FGD3: variants seen among roughly 807,000 people sequenced by gnomAD.
FGD3 encodes FYVE, RhoGEF and PH domain containing 3, also known as FYVE, RhoGEF and PH domain-containing protein 3.
In FGD3, 45 loss-of-function variants were observed where a neutral mutation model predicts 71.8. The ratio of observed to expected loss-of-function variants is 0.63; its 90% confidence interval spans 0.49 to 0.80. FGD3 has a LOEUF of 0.80. Ranked by LOEUF, FGD3 falls within the 30% of genes least tolerant of loss-of-function variation. The pLI is 0.00. For synonymous variants in FGD3, 378 were observed against 392.8 expected, an observed-to-expected ratio of 0.96 and a Z score of 0.44; for missense variants, 844 against 951.5, an observed-to-expected ratio of 0.89 and a Z score of 1.49.
At chr9:92,982,646 C>A (rs570837064) in intron 3 of FGD3, among the ~76,000 whole-genome samples, 1 of 150,882 alleles carries the variant, frequency 6.6e-6, no homozygotes. Flanking sequence ...TCATGCAGTT[C>A]GCTCCTGTTC....
At chr9:92,977,375 T>G (rs1338668146) in intron 3 of FGD3, among the ~76,000 whole-genome samples, 1 of 152,102 alleles carries the variant, frequency 6.6e-6, no homozygotes, top group Non-Finnish European at 1.5e-5. Context: ...GGCCTCAGCC[T>G]CAGAGAAACT....
In FGD3 at chr9:93,025,410, A is replaced by G. The variant is rs550263501; in HGVS notation, c.1557+3021A>G. 2.7e-4 allele frequency among the ~76,000 whole-genome samples: 41 copies of G among 152,324 alleles called. 1 individual carries two copies. In the South Asian group the frequency reaches 8.5e-3, roughly 32 times the overall value. The stretch of plus-strand genomic sequence containing the variant: ...CTCACTGGTGTCTTCCTGTGAGCAA[A>G]AACAGCAGAGTTGAGACTAGGGTAG... On this transcript the variant is annotated intron_variant, in intron 14 of 17. Coordinates refer to ENST00000375482, the MANE Select transcript of FGD3 (RefSeq NM_001083536.2).
At chr9:92,958,778 C>A (rs79595842) in intron 1 of FGD3, among the ~76,000 whole-genome samples, 12 of 152,056 alleles carry the variant, frequency 7.9e-5, no homozygotes, top group Non-Finnish European at 1.5e-4. Context: ...TATTTTGGTA[C>A]GGCTATCTAA....
At chr9:92,992,681 G>A (rs1231056600) in intron 3 of FGD3, among the ~76,000 whole-genome samples, 2 of 152,180 alleles carry the variant, frequency 1.3e-5, no homozygotes, top group East Asian at 3.8e-4. Context: ...GGAGCCCAGT[G>A]CTAGAGAGGT....
chr9:93,004,699 G>T (rs1365908784), intron 5 of FGD3, among the ~76,000 whole-genome samples: 6 of 152,098 alleles, frequency 3.9e-5, no homozygotes, highest in Non-Finnish European at 8.8e-5. Flanking sequence ...CATTCTGGGT[G>T]CCGCTGCTGT....
At chr9:92,991,833 A>C (rs1457048179) in intron 3 of FGD3, among the ~76,000 whole-genome samples, 2 of 152,114 alleles carry the variant, frequency 1.3e-5, no homozygotes, top group African/African-American at 4.8e-5. Context: ...TAGGTGCTCT[A>C]GTATTTGGTG....
intron 1 of FGD3, among the ~76,000 whole-genome samples, chr9:92,961,383 GTGGTCCCCAGGAGCCCTCCA>G (rs1160049137): frequency 1.3e-5 from 2 of 152,198 alleles, no homozygotes; most frequent in African/African-American, 4.8e-5. Context: ...GATTGTCACT[GTGGTCCCCAGGAGCCCTCCA>G]TGGTCACCAG....
chr9:92,948,679 C>T (rs929673748), intron 1 of FGD3, among the ~76,000 whole-genome samples: 1 of 152,194 alleles, frequency 6.6e-6, no homozygotes, highest in African/African-American at 2.4e-5. Context: ...AACTCCAGCC[C>T]CAGTGAGGTT....
chr9:93,017,553 T>C (rs1305387478), intron 10 of FGD3, among the ~76,000 whole-genome samples: 3 of 152,126 alleles, frequency 2.0e-5, no homozygotes, highest in African/African-American at 4.8e-5. Flanking sequence ...CCATGGTCTC[T>C]GTGGTCTTAT....
At chr9:92,972,928 T>C (rs182033216) in intron 1 of FGD3, among the ~76,000 whole-genome samples, 23 of 152,258 alleles carry the variant, frequency 1.5e-4, no homozygotes, top group African/African-American at 5.5e-4. Flanking sequence ...TCTGGAAGTT[T>C]AATGTGGGCC....
chr9:93,001,287 C>A (rs547529141), intron 3 of FGD3, among the ~76,000 whole-genome samples: 1 of 152,178 alleles, frequency 6.6e-6, no homozygotes, highest in African/African-American at 2.4e-5. Flanking sequence ...GCTCATAGAT[C>A]TGTGTTTCCT....
intron 1 of FGD3, among the ~76,000 whole-genome samples, chr9:92,967,403 C>T (rs1396401935): frequency 2.6e-5 from 4 of 152,228 alleles, no homozygotes; most frequent in Non-Finnish European, 5.9e-5. Flanking sequence ...TCCATTCCCT[C>T]CCCTGGCCCT....
intron 14 of FGD3, among the ~76,000 whole-genome samples, chr9:93,023,768 C>T (rs1203454349): frequency 6.7e-6 from 1 of 148,800 alleles, no homozygotes; most frequent in African/African-American, 2.5e-5. Flanking sequence ...AAAAATGTCT[C>T]AATGACAGGA....
intron 14 of FGD3, 82 bp from the exon 15 acceptor site, chr9:93,029,792 C>T (rs946167357): frequency 1.6e-5 from 24 of 1,535,340 alleles, no homozygotes; most frequent in African/African-American, 1.1e-4. Context: ...TTTACAGTCA[C>T]GAGAGCTGCC....
intron 14 of FGD3, among the ~76,000 whole-genome samples, chr9:93,026,728 C>G (rs10992585): frequency 0.16 from 24,613 of 152,258 alleles, 2,096 homozygotes; most frequent in Non-Finnish European, 0.18. Context: ...GCTGTGCACC[C>G]AGCCCCGCAG....
chr9:92,966,960 CT>C (rs541720789), intron 1 of FGD3, among the ~76,000 whole-genome samples: 4,227 of 142,334 alleles, frequency 0.03, 188 homozygotes, highest in African/African-American at 0.096. Flanking sequence ...CATCTTTTTT[CT>C]TTTTTTTTTT....
At chr9:92,995,819 T>C (rs1360690135) in intron 3 of FGD3, among the ~76,000 whole-genome samples, 1 of 152,236 alleles carries the variant, frequency 6.6e-6, no homozygotes, top group African/African-American at 2.4e-5. Flanking sequence ...ATCCCAGGGA[T>C]GAGGCCAACT....
At chr9:92,964,565 A>G (rs1859243984) in intron 1 of FGD3, among the ~76,000 whole-genome samples, 1 of 152,150 alleles carries the variant, frequency 6.6e-6, no homozygotes. Flanking sequence ...GTAAAAATTC[A>G]GAGTTATTGT....
Position 93,011,190 on chromosome 9 carries a change from C to G in FGD3, c.977-24C>G, listed in dbSNP as rs1347625759. ...AAAACGGAGCCACCGTGGCCCCAGG[C>G]TGAACACAGTCTTCTTCCTGCAGGG... On this transcript the variant is annotated intron_variant, in intron 7 of 17. Coordinates refer to ENST00000375482, the MANE Select transcript of FGD3 (RefSeq NM_001083536.2). The G allele has an allele frequency of 4.3e-6, 7 of 1,613,850 alleles. No homozygotes were observed. In the Admixed American group the frequency reaches 1.2e-4, roughly 27 times the overall value.
Sources: allele counts gnomAD v4.1 joint callset (sites outside exome capture counted in the v4.1 genomes callset), GRCh38; gene constraint gnomAD v4.1.1; transcripts MANE v1.5; gene names NCBI Gene and HGNC (gene_info 2026-07-23, HGNC 2026-07-21).